Variants in MTERF4 observed in about 807,000 individuals in gnomAD.
MTERF4 encodes mitochondrial transcription termination factor 4.
MTERF4 carries 17 observed loss-of-function variants against 22.5 expected under a neutral mutation model. The observed-to-expected ratio is 0.75, with a 90% CI of 0.52 to 1.13. The LOEUF (loss-of-function observed/expected upper bound fraction) is 1.13. Ranked by LOEUF, MTERF4 falls within the 50% of genes most tolerant of loss-of-function variation. MTERF4 has a pLI of 0.00. For missense variants in MTERF4, 420 were observed against 466.8 expected (o/e 0.90, Z 0.92); for synonymous variants, 165 against 175.3 (o/e 0.94, Z 0.47).
intron 4 of MTERF4, chr2:241,081,745 C>A: frequency 6.2e-7 from 1 of 1,608,124 alleles, no homozygotes; most frequent in South Asian, 1.1e-5. Context: ...CGCAGACGCC[C>A]ACAGCTGTGA....
downstream of MTERF4, chr2:241,090,108 CTT>C: frequency 6.7e-7 from 1 of 1,489,400 alleles, no homozygotes; most frequent in East Asian, 2.5e-5. Flanking sequence ...TTAATTTTTA[CTT>C]TTTAACTCTT....
rs2062858954 is a variant in MTERF4, at chr2:241,073,629, ATGC to A, written n.2530_2532del. On this transcript the variant is annotated non_coding_transcript_exon_variant, in exon 5 of 5. Coordinates refer to the MTERF4 transcript ENST00000464344. This position sits in a 1 kb window ranked among gnomAD's most constrained non-coding sequence, Gnocchi z 6.6. ...GTCTGAGCTAGAGAGACTGGCTTTGATGCTGCCTCCCCTCCCCTCTCCTCCTTC... is the reference window on the plus strand; with the variant it reads ...GTCTGAGCTAGAGAGACTGGCTTTGATGCCTCCCCTCCCCTCTCCTCCTTC... The A allele has an allele frequency of 7.7e-6, 4 of 516,542 alleles. 1 individual carries two copies. The South Asian group carries it at 1.3e-4, about 17-fold the overall frequency. The allele number at this position is 516,542 out of a possible 1,614,324, so 32.0% of individuals were successfully genotyped here.
chr2:241,092,597 C>T (rs2064106818), downstream of MTERF4: 1 of 152,210 alleles, frequency 6.6e-6, no homozygotes, highest in Non-Finnish European at 1.5e-5. This position sits in a 1 kb window ranked among gnomAD's most constrained non-coding sequence, Gnocchi z 4.6. Context: ...CAGACCCCTG[C>T]TTGGAAAGCT....
the MTERF4 span, chr2:241,063,936 T>C: frequency 8.7e-7 from 1 of 1,148,922 alleles, no homozygotes; most frequent in Non-Finnish European, 1.3e-6. Context: ...CTCCTTTCCC[T>C]TCTTCCCGCT....
chr2:241,046,743 T>C, the MTERF4 span, among the ~76,000 whole-genome samples: 3 of 152,204 alleles, frequency 2.0e-5, no homozygotes, highest in African/African-American at 7.2e-5. Context: ...AACAAATCTA[T>C]ATATGTGTTA....
the MTERF4 span, chr2:241,051,697 G>A: frequency 7.2e-7 from 1 of 1,391,690 alleles, no homozygotes. This position sits in a 1 kb window ranked among gnomAD's most constrained non-coding sequence, Gnocchi z 4.7. Flanking sequence ...GCTCTGTGGG[G>A]CCAGCAGCCT....
chr2:241,063,004 G>C, the MTERF4 span: 3 of 726,626 alleles, frequency 4.1e-6, no homozygotes, highest in Non-Finnish European at 6.7e-6. Flanking sequence ...TGGATGGCCA[G>C]GGTGGCCACT....
intron 2 of MTERF4, among the ~76,000 whole-genome samples, chr2:241,098,317 T>C (rs2064548495): frequency 1.3e-5 from 2 of 152,224 alleles, no homozygotes; most frequent in South Asian, 4.1e-4. Context: ...CAAGGCTACC[T>C]TTTTCTTATC....
At chr2:241,049,101 C>G in the MTERF4 span, 14 of 1,612,140 alleles carry the variant, frequency 8.7e-6, no homozygotes, top group Non-Finnish European at 1.2e-5. Flanking sequence ...GGAGCTACCT[C>G]TGCGTCTGCC....
chr2:241,069,223 C>T (rs1243434969), downstream of MTERF4, among the ~76,000 whole-genome samples: 1 of 152,196 alleles, frequency 6.6e-6, no homozygotes, highest in Non-Finnish European at 1.5e-5. This position sits in a 1 kb window ranked among gnomAD's most constrained non-coding sequence, Gnocchi z 4.9. Flanking sequence ...GACAGCTGTC[C>T]AGGGCAGTCT....
chr2:241,087,166 GGTTT>G, downstream of MTERF4: 1 of 505,370 alleles, frequency 2.0e-6, no homozygotes, highest in Non-Finnish European at 3.5e-6. Context: ...CATTAAAATG[GGTTT>G]ATTTTATGCA....
chr2:241,101,812 G>A (rs1403671366), intron 1 of MTERF4, among the ~76,000 whole-genome samples: 1 of 152,212 alleles, frequency 6.6e-6, no homozygotes, highest in Non-Finnish European at 1.5e-5. Flanking sequence ...CAGCACTTTG[G>A]GAGTTCGAGG....
At chr2:241,045,986 AAT>A in the MTERF4 span, among the ~76,000 whole-genome samples, 1 of 152,248 alleles carries the variant, frequency 6.6e-6, no homozygotes, top group African/African-American at 2.4e-5. Context: ...CAATTTTAAA[AAT>A]GGACAAAAGA....
At chr2:241,044,172 G>A in the MTERF4 span, among the ~76,000 whole-genome samples, 9 of 152,198 alleles carry the variant, frequency 5.9e-5, no homozygotes, top group African/African-American at 9.7e-5. Flanking sequence ...AGTAAAAGCC[G>A]ATAGCAAGAT....
the MTERF4 span, among the ~76,000 whole-genome samples, chr2:241,057,996 A>G: frequency 6.6e-6 from 1 of 152,202 alleles, no homozygotes; most frequent in Non-Finnish European, 1.5e-5. Context: ...ACAAATATGA[A>G]TGGACTAACT....
chr2:241,065,030 C>A, the MTERF4 span: 1 of 1,201,250 alleles, frequency 8.3e-7, no homozygotes, highest in Non-Finnish European at 1.2e-6. Flanking sequence ...CAACGGTCTC[C>A]AAGGGCAGAG....
At chr2:241,093,258 C>T (rs1202098154), downstream of MTERF4, 1 of 152,646 alleles carries the variant, frequency 6.6e-6, no homozygotes, top group Non-Finnish European at 1.5e-5. Context: ...CGTTCACAAA[C>T]GCGTACTGCG....
the MTERF4 span, chr2:241,051,925 A>AT: frequency 4.1e-6 from 6 of 1,477,444 alleles, no homozygotes; most frequent in Non-Finnish European, 5.5e-6. This position sits in a 1 kb window ranked among gnomAD's most constrained non-coding sequence, Gnocchi z 4.7. Context: ...GGGGCCCCTG[A>AT]TGCACCCTCC....
the MTERF4 span, among the ~76,000 whole-genome samples, chr2:241,061,242 AC>A: frequency 6.6e-6 from 1 of 152,238 alleles, no homozygotes; most frequent in Non-Finnish European, 1.5e-5. Context: ...AAGAAGAGAT[AC>A]AAAAGGCCAA....
Sources: gnomAD v4.1 joint callset for allele counts (sites outside exome capture counted in the v4.1 genomes callset) on GRCh38, gnomAD v4.1.1 for gene constraint, Gnocchi (gnomAD v3.1) non-coding constraint, MANE v1.5 for transcripts, NCBI Gene and HGNC (gene_info 2026-07-23, HGNC 2026-07-21) for gene names.